Variants in WDR11 observed in about 807,000 individuals in gnomAD.
WDR11 encodes the protein WD repeat domain 11.
WDR11 carries 83 observed loss-of-function variants against 151.2 expected under a neutral mutation model. The observed-to-expected ratio is 0.55, with a 90% CI of 0.46 to 0.66. The LOEUF is 0.66. Ranked by LOEUF, WDR11 falls within the 30% of genes least tolerant of loss-of-function variation. The pLI is 0.00. For missense variants in WDR11, 1,301 were observed against 1,480.9 expected (o/e 0.88, Z 1.99); for synonymous variants, 484 against 533.1 (o/e 0.91, Z 1.27).
intron 8 of WDR11, 112 bp from the exon 9 acceptor site, chr10:120,866,954 G>T: frequency 9.3e-7 from 1 of 1,075,698 alleles, no homozygotes; most frequent in Non-Finnish European, 1.4e-6. Flanking sequence ...TAAGATGAAT[G>T]AATAATATAA....
At position 120,851,514 on chromosome 10, in the gene WDR11, C is replaced by T. The variant is rs891562062; in HGVS notation, c.86+8C>T. 14 of 1,608,664 alleles carry T rather than the reference C, an allele frequency of 8.7e-6. No individual in the cohort carries two copies. The highest frequency in any genetic ancestry group is 1.2e-5 in the Non-Finnish European group (14 of 1,178,536). ...CAAGGCGGCGGTGGACTGGTGAGGA[C>T]GCCGAGCTTCCAGGTCGCCAGGATC... On this transcript the variant is annotated splice_region_variant and intron_variant, in intron 1 of 28. Coordinates refer to ENST00000263461, the MANE Select transcript of WDR11 (RefSeq NM_018117.12).
intron 5 of WDR11, among the ~76,000 whole-genome samples, chr10:120,864,513 A>G (rs1846246857): frequency 1.3e-5 from 2 of 152,152 alleles, no homozygotes; most frequent in Non-Finnish European, 2.9e-5. Context: ...AAATGCTGCA[A>G]TATAAGTGAA....
chr10:120,873,943 G>GTCATCATCACA lies in WDR11; in HGVS notation c.1556+20_1556+21insTCATCATCACA. The GTCATCATCACA allele has an allele frequency of 6.5e-7, 1 of 1,535,126 alleles. No homozygotes were observed. Among genetic ancestry groups the GTCATCATCACA allele is most frequent in the Non-Finnish European group, 9.0e-7 (1 of 1,108,658 alleles). On this transcript the variant is annotated intron_variant, in intron 11 of 28. Transcript: ENST00000263461. ...AGTCAAGTAAGTATGTCATTGTGAT[G>GTCATCATCACA]ATGACATCACAAACATCATATCAGA...
intron 19 of WDR11, 180 bp from the exon 20 acceptor site, chr10:120,899,849 C>A: frequency 1.6e-6 from 1 of 619,592 alleles, no homozygotes; most frequent in South Asian, 2.0e-5. Context: ...GATTTGAATG[C>A]AGAGACTCTC....
At chr10:120,891,008 G>T in intron 19 of WDR11, 121 bp downstream of exon 19, 2 of 1,096,604 alleles carry the variant, frequency 1.8e-6, no homozygotes, top group Non-Finnish European at 2.7e-6. Context: ...TAGAATCTGA[G>T]TTTAAGAAAA....
intron 19 of WDR11, among the ~76,000 whole-genome samples, chr10:120,892,769 TAGA>T (rs1847469985): frequency 6.6e-6 from 1 of 152,156 alleles, no homozygotes; most frequent in African/African-American, 2.4e-5. Flanking sequence ...TCAGACAAAT[TAGA>T]AGATTAGAAT....
Position 120,909,426 on chromosome 10 carries a change from T to TAATA in WDR11, c.*714_*717dup, listed in dbSNP as rs1848206364. On this transcript the variant is annotated 3_prime_UTR_variant, in exon 29 of 29. Transcript: ENST00000263461. The stretch of plus-strand genomic sequence containing the variant: ...TTGTACTTTAATGTTCTCTCTGTTC[T>TAATA]AATAGTTGAAGTATGAGATGTAACT... The TAATA allele has an allele frequency of 6.5e-6, 1 of 152,832 alleles. No individual in the cohort carries two copies. Among genetic ancestry groups the TAATA allele is most frequent in the Admixed American group, 6.5e-5 (1 of 15,292 alleles). The allele number at this position is 152,832 out of a possible 1,614,324, so 9.5% of individuals were successfully genotyped here. A position where few individuals can be genotyped will look rare whatever the true frequency, so the allele number is the denominator to read the frequency against.
Position 120,873,873 on chromosome 10 carries a change from C to T in WDR11, c.1506C>T (p.Leu502=). ...TSNGSVLVYH[L]TSGLLHKELS... ...ATGGTTCTGTCCTGGTGTACCATCT[C>T]ACCAGTGGTCTGCTACACAAAGAGT... Residue 502 remains leucine (L), a synonymous_variant, in exon 11 of 29, where the codon CTC becomes CTT. Transcript: ENST00000263461. The T allele has an allele frequency of 6.2e-7, 1 of 1,613,432 alleles. No homozygotes were observed. The highest frequency in any genetic ancestry group is 8.5e-7 in the Non-Finnish European group (1 of 1,179,526).
intron 21 of WDR11, among the ~76,000 whole-genome samples, chr10:120,901,374 G>A (rs1847808321): frequency 6.6e-6 from 1 of 152,168 alleles, no homozygotes. Flanking sequence ...GATGCATAGT[G>A]GGAGCATCCT....
At chr10:120,891,749 C>T (rs1847436338) in intron 19 of WDR11, among the ~76,000 whole-genome samples, 1 of 152,202 alleles carries the variant, frequency 6.6e-6, no homozygotes, top group African/African-American at 2.4e-5. Context: ...TGTGTTCATG[C>T]TTGAGGCACT....
chr10:120,895,359 TAGAA>T (rs1167119870), intron 19 of WDR11, among the ~76,000 whole-genome samples: 1 of 152,176 alleles, frequency 6.6e-6, no homozygotes, highest in African/African-American at 2.4e-5. Context: ...GAAGGATGAA[TAGAA>T]AGAAAGTTAA....
chr10:120,869,915 G>A (rs1046096121), intron 9 of WDR11, among the ~76,000 whole-genome samples: 6 of 152,058 alleles, frequency 3.9e-5, no homozygotes, highest in Non-Finnish European at 8.8e-5. Flanking sequence ...TCAGCCCCAT[G>A]AGTAGCTGGG....
chr10:120,869,116 T>G (rs1273064013), intron 9 of WDR11, among the ~76,000 whole-genome samples: 5 of 145,068 alleles, frequency 3.4e-5, no homozygotes, highest in South Asian at 2.3e-4. Context: ...GTTTTTTTTT[T>G]TTTTTTTTTT....
intron 10 of WDR11, 65 bp from the exon 11 acceptor site, chr10:120,873,774 A>C (rs1846632100): frequency 1.8e-6 from 2 of 1,100,664 alleles, no homozygotes; most frequent in African/African-American, 1.5e-5. Context: ...TTGAGAAAAG[A>C]CTTTTCTTGC....
At chr10:120,880,775 CA>C (rs1846974369) in intron 12 of WDR11, 50 bp from the exon 13 acceptor site, 1 of 1,496,470 alleles carries the variant, frequency 6.7e-7, no homozygotes, top group African/African-American at 1.4e-5. Flanking sequence ...TCTTGTTTTT[CA>C]TACATGTTTT....
rs531342161 is a variant in WDR11, at chr10:120,884,786, A to G, written c.1848+898A>G. On this transcript the variant is annotated intron_variant, in intron 14 of 28. Coordinates refer to ENST00000263461, the MANE Select transcript of WDR11 (RefSeq NM_018117.12). ...AGCGGGAACCCTAGTGAGAAAATGA[A>G]CAAAGTCTGTGAAGAGCTAATGAGA... Among the ~76,000 whole-genome samples the G allele has an allele frequency of 2.6e-5, 4 of 152,286 alleles. No homozygotes were observed. The East Asian group carries it at 7.7e-4, about 29-fold the overall frequency.
chr10:120,902,393 A>T, intron 22 of WDR11, 71 bp downstream of exon 22: 1 of 1,353,384 alleles, frequency 7.4e-7, no homozygotes, highest in Non-Finnish European at 1.1e-6. Context: ...AAGGGTTTTT[A>T]GTTAGAAACA....
chr10:120,890,834 T>C lies in WDR11; in HGVS notation c.2462T>C (p.Leu821Pro). The stretch of plus-strand genomic sequence containing the variant: ...TCAGATGATGGGTGCATCAGAGTCC[T>C]AGAGATGTCTATGAAGTCTGCGTGC... Reference protein sequence around the residue: ...LASDDGCIRVLEMSMKSACFR... With the variant: ...LASDDGCIRVPEMSMKSACFR... The change falls in exon 19 of 29, where the codon CTA (leucine) becomes CCA (proline). Residue 821 changes from leucine to proline, a missense_variant. Leu to Pro is a moderately conservative substitution (Grantham distance 98). Around this residue, in one of 3 missense-constraint regions of WDR11, gnomAD observed 589 missense variants for 670.6 expected, o/e 0.88. Transcript: ENST00000263461. The C allele has an allele frequency of 6.2e-7, 1 of 1,614,176 alleles. No homozygotes were observed. The highest frequency in any genetic ancestry group is 1.1e-5 in the South Asian group (1 of 91,078).
At chr10:120,905,112 C>T (rs1357966012) in intron 25 of WDR11, among the ~76,000 whole-genome samples, 4 of 152,150 alleles carry the variant, frequency 2.6e-5, no homozygotes, top group Admixed American at 1.3e-4. Flanking sequence ...TACTTATTCT[C>T]CAGACTGTAT....
Sources: allele counts gnomAD v4.1 joint callset (sites outside exome capture counted in the v4.1 genomes callset), GRCh38; gene constraint gnomAD v4.1.1; regional missense constraint gnomAD v4.1.1; transcripts MANE v1.5; gene names NCBI Gene and HGNC (gene_info 2026-07-23, HGNC 2026-07-21).